Variants in SLC30A7 observed in about 807,000 individuals in gnomAD.
SLC30A7 encodes the protein solute carrier family 30 member 7, also known as zinc transporter 7.
A neutral mutation model predicts 46.0 loss-of-function variants in SLC30A7; 35 were observed. The ratio of observed to expected loss-of-function variants is 0.76; its 90% confidence interval spans 0.58 to 1.01. SLC30A7 has a LOEUF of 1.01. SLC30A7 is among the 50% of genes least tolerant of loss of function. The pLI, the probability that SLC30A7 is intolerant of heterozygous loss-of-function variation, is 0.00. For synonymous variants in SLC30A7, 147 were observed against 157.8 expected (o/e 0.93, Z 0.51); for missense variants, 464 against 451.1 (o/e 1.03, Z -0.26).
intron 9 of SLC30A7, among the ~76,000 whole-genome samples, chr1:100,963,650 T>C (rs1655676074): frequency 6.6e-6 from 1 of 152,174 alleles, no homozygotes; most frequent in African/African-American, 2.4e-5. Flanking sequence ...CCCGCAGAAC[T>C]TTCCCCAATA....
intron 8 of SLC30A7, among the ~76,000 whole-genome samples, chr1:100,943,476 G>A (rs1654464644): frequency 6.6e-6 from 1 of 152,174 alleles, no homozygotes; most frequent in Non-Finnish European, 1.5e-5. Context: ...GGGTTTTTAT[G>A]GAGGCTTCAT....
chr1:100,915,841 C>T (rs1388222382), intron 6 of SLC30A7, among the ~76,000 whole-genome samples: 2 of 151,974 alleles, frequency 1.3e-5, no homozygotes, highest in African/African-American at 2.4e-5. Flanking sequence ...TTTTGAGGAC[C>T]CTCCATACTG....
chr1:100,911,865 C>A (rs1167574093), intron 4 of SLC30A7, among the ~76,000 whole-genome samples: 1 of 152,102 alleles, frequency 6.6e-6, no homozygotes, highest in African/African-American at 2.4e-5. Context: ...CAAGATACCA[C>A]ATAAGAACAA....
chr1:100,906,724 A>G (rs1461473804), intron 2 of SLC30A7, 128 bp from the exon 3 acceptor site: 2 of 634,618 alleles, frequency 3.2e-6, no homozygotes, highest in Non-Finnish European at 5.6e-6. Context: ...CTATCTATAT[A>G]GCATATTTAA....
At chr1:100,959,099 A>G (rs1655398433) in intron 8 of SLC30A7, among the ~76,000 whole-genome samples, 1 of 152,208 alleles carries the variant, frequency 6.6e-6, no homozygotes, top group African/African-American at 2.4e-5. Flanking sequence ...AGTATGTTAT[A>G]TTTGGAGAGT....
chr1:100,967,608 G>A (rs1317871465), intron 10 of SLC30A7, among the ~76,000 whole-genome samples: 2 of 152,174 alleles, frequency 1.3e-5, no homozygotes, highest in Admixed American at 6.5e-5. Context: ...TACAGAACAT[G>A]ACCTATGTGG....
At chr1:100,966,062 C>A in intron 10 of SLC30A7, 144 bp downstream of exon 10, 1 of 673,350 alleles carries the variant, frequency 1.5e-6, no homozygotes, top group Non-Finnish European at 2.4e-6. Context: ...GAGACCCCGT[C>A]TCTACAAAAC....
At position 100,896,221 on chromosome 1, in the gene SLC30A7, T is replaced by C. The variant is rs754630192; in HGVS notation, c.-42T>C. On this transcript the variant is annotated 5_prime_UTR_variant, in exon 1 of 11. Coordinates refer to ENST00000357650, the MANE Select transcript of SLC30A7 (RefSeq NM_133496.5). ...CACTGCCATCACCCCACGGAGCCAC[T>C]TCTAGAGGGGAGTAGACCCGGCCCT... 4 of 1,592,478 alleles carry C rather than the reference T, an allele frequency of 2.5e-6. No homozygotes were observed. Among genetic ancestry groups the C allele is most frequent in the Non-Finnish European group, 2.6e-6 (3 of 1,160,414 alleles).
intron 2 of SLC30A7, among the ~76,000 whole-genome samples, chr1:100,897,076 T>G (rs1651017645): frequency 6.6e-6 from 1 of 152,020 alleles, no homozygotes; most frequent in African/African-American, 2.4e-5. Context: ...AGAGAGTATA[T>G]CTGAGATGTT....
chr1:100,973,667 C>G (rs1404785132), intron 10 of SLC30A7, among the ~76,000 whole-genome samples: 2 of 152,032 alleles, frequency 1.3e-5, no homozygotes, highest in African/African-American at 2.4e-5. Context: ...TTGTACCAAG[C>G]TTTATTTTTT....
chr1:100,910,894 T>G (rs1052664683), intron 3 of SLC30A7, among the ~76,000 whole-genome samples, 169 bp from the exon 4 acceptor site: 1 of 152,222 alleles, frequency 6.6e-6, no homozygotes, highest in Admixed American at 6.5e-5. Flanking sequence ...ATTCGTTTCC[T>G]CATTTCTACT....
rs987772122 is a variant in SLC30A7, at chr1:100,976,001, G to T, written c.*1144G>T. The stretch of plus-strand genomic sequence containing the variant: ...GTTTTATCTTCACAGAAAATAAAAG[G>T]TGTTAATTTGCTTTTTAAAACAAAT... On this transcript the variant is annotated 3_prime_UTR_variant, in exon 11 of 11. Coordinates refer to ENST00000357650, the MANE Select transcript of SLC30A7 (RefSeq NM_133496.5). 1 of 152,378 alleles carries T rather than the reference G, an allele frequency of 6.6e-6. No individual in the cohort carries two copies. The highest frequency in any genetic ancestry group is 2.4e-5 in the African/African-American group (1 of 41,354). The allele number at this position is 152,378 out of a possible 1,614,324, so 9.4% of individuals were successfully genotyped here.
chr1:100,899,283 G>T (rs540379307), intron 2 of SLC30A7, among the ~76,000 whole-genome samples: 1 of 152,268 alleles, frequency 6.6e-6, no homozygotes, highest in Admixed American at 6.5e-5. Flanking sequence ...AATAATTAAT[G>T]TATGGAATTA....
chr1:100,922,016 C>T (rs919289339), intron 8 of SLC30A7, among the ~76,000 whole-genome samples, 175 bp downstream of exon 8: 1 of 145,940 alleles, frequency 6.9e-6, no homozygotes, highest in African/African-American at 2.6e-5. Flanking sequence ...TGCTGTGGCA[C>T]TGTCTCGGCT....
At chr1:100,899,246 C>A (rs1287725621) in intron 2 of SLC30A7, among the ~76,000 whole-genome samples, 6 of 152,132 alleles carry the variant, frequency 3.9e-5, no homozygotes, top group Admixed American at 3.9e-4. Flanking sequence ...ATGCTTAATA[C>A]ATATTTGCTA....
intron 8 of SLC30A7, among the ~76,000 whole-genome samples, chr1:100,946,382 C>T (rs1654636963): frequency 6.6e-6 from 1 of 152,202 alleles, no homozygotes. Flanking sequence ...AAAGGAAATG[C>T]TTCCAGTTTT....
At chr1:100,992,597 CAG>C in the SLC30A7 span, 1 of 1,427,318 alleles carries the variant, frequency 7.0e-7, no homozygotes, top group Non-Finnish European at 9.9e-7. Flanking sequence ...AATGTAGTAA[CAG>C]AGGAATAATA....
At chr1:100,973,467 A>G (rs549060769) in intron 10 of SLC30A7, among the ~76,000 whole-genome samples, 3 of 152,334 alleles carry the variant, frequency 2.0e-5, no homozygotes, top group Admixed American at 6.5e-5. Flanking sequence ...CTTATTGATC[A>G]CTTACTGTGT....
chr1:100,940,743 T>A (rs1427923625), intron 8 of SLC30A7, among the ~76,000 whole-genome samples: 1 of 152,194 alleles, frequency 6.6e-6, no homozygotes, highest in East Asian at 1.9e-4. Context: ...AAAAATAAAA[T>A]CTTATATTAA....
Sources: gnomAD v4.1 joint callset for allele counts (sites outside exome capture counted in the v4.1 genomes callset) on GRCh38, gnomAD v4.1.1 for gene constraint, MANE v1.5 for transcripts, NCBI Gene and HGNC (gene_info 2026-07-23, HGNC 2026-07-21) for gene names.